The following SDCCAG8 variants were observed in gnomAD, a reference collection of about 807,000 sequenced individuals.
SDCCAG8 encodes SHH signaling and ciliogenesis regulator SDCCAG8, also known as serologically defined colon cancer antigen 8.
Under a neutral mutation model 101.8 loss-of-function variants are expected in SDCCAG8, and 74 were observed. The observed-to-expected ratio is 0.73, with a 90% CI of 0.60 to 0.88. The LOEUF (loss-of-function observed/expected upper bound fraction) is 0.88, where lower values mean the gene tolerates loss of function less well. Ranked by LOEUF, SDCCAG8 falls within the 40% of genes least tolerant of loss-of-function variation. SDCCAG8 has a pLI of 0.00. For synonymous variants in SDCCAG8, 281 were observed against 292.9 expected, an observed-to-expected ratio of 0.96 and a Z score of 0.41; for missense variants, 787 against 822.6, an observed-to-expected ratio of 0.96 and a Z score of 0.53.
intron 12 of SDCCAG8, among the ~76,000 whole-genome samples, chr1:243,344,893 A>G (rs1388260024): frequency 6.6e-6 from 1 of 152,216 alleles, no homozygotes; most frequent in East Asian, 1.9e-4. Flanking sequence ...TTTATGTTAT[A>G]TCTTTATTGA....
intron 4 of SDCCAG8, 86 bp downstream of exon 4, chr1:243,274,742 T>A (rs1474670584): frequency 1.3e-6 from 1 of 792,438 alleles, no homozygotes; most frequent in African/African-American, 1.7e-5. Context: ...GCTATAAATC[T>A]TCATGTTTGT....
At chr1:243,400,397 C>G (rs1002907451) in intron 13 of SDCCAG8, among the ~76,000 whole-genome samples, 4 of 152,306 alleles carry the variant, frequency 2.6e-5, no homozygotes, top group Admixed American at 2.6e-4. Context: ...GTTATTGTAT[C>G]TCATCAGTGC....
chr1:243,275,337 G>A (rs2068451688), intron 4 of SDCCAG8, among the ~76,000 whole-genome samples: 1 of 149,330 alleles, frequency 6.7e-6, no homozygotes, highest in African/African-American at 2.5e-5. Flanking sequence ...CAGTGTATTC[G>A]ATTGTATGAT....
intron 13 of SDCCAG8, among the ~76,000 whole-genome samples, chr1:243,395,759 A>G (rs1009289117): frequency 4.6e-5 from 7 of 152,152 alleles, no homozygotes; most frequent in Non-Finnish European, 4.4e-5. Flanking sequence ...TTCATAAATT[A>G]TAACTGTTTA....
chr1:243,406,803 A>G (rs2079817930), intron 13 of SDCCAG8, among the ~76,000 whole-genome samples: 5 of 152,298 alleles, frequency 3.3e-5, no homozygotes, highest in Admixed American at 3.3e-4. Context: ...CAGTGTTCTC[A>G]GGGCACCTGG....
intron 12 of SDCCAG8, among the ~76,000 whole-genome samples, chr1:243,360,622 G>C (rs1490696573): frequency 6.6e-6 from 1 of 152,010 alleles, no homozygotes; most frequent in Non-Finnish European, 1.5e-5. Context: ...AGGAGTTCAA[G>C]ACCAGCCTGG....
At chr1:243,485,646 C>T (rs182534485) in intron 16 of SDCCAG8, among the ~76,000 whole-genome samples, 1 of 152,218 alleles carries the variant, frequency 6.6e-6, no homozygotes, top group Non-Finnish European at 1.5e-5. Context: ...TGGCTCATGC[C>T]TGTAATCCCA....
chr1:243,405,930 A>G (rs1341106859), intron 13 of SDCCAG8, among the ~76,000 whole-genome samples: 1 of 148,560 alleles, frequency 6.7e-6, no homozygotes, highest in Admixed American at 6.6e-5. Flanking sequence ...TTTTAATAAT[A>G]GAATAATAGA....
intron 12 of SDCCAG8, among the ~76,000 whole-genome samples, chr1:243,360,770 C>T (rs1305327017): frequency 6.6e-6 from 1 of 151,936 alleles, no homozygotes; most frequent in Non-Finnish European, 1.5e-5. Context: ...TGCGGTGAGC[C>T]GGGATTGCGC....
chr1:243,354,403 G>A (rs1422897041), intron 12 of SDCCAG8, among the ~76,000 whole-genome samples: 1 of 152,064 alleles, frequency 6.6e-6, no homozygotes, highest in Admixed American at 6.5e-5. Context: ...AGACATTTTC[G>A]TTATGATTGG....
At chr1:243,289,006 C>CAA (rs1169573983) in intron 5 of SDCCAG8, among the ~76,000 whole-genome samples, 2 of 83,712 alleles carry the variant, frequency 2.4e-5, no homozygotes, top group Admixed American at 1.3e-4. Context: ...GACTCCATCT[C>CAA]AAAAAAAAAA....
At chr1:243,441,520 C>T (rs564305016) in intron 16 of SDCCAG8, among the ~76,000 whole-genome samples, 2 of 152,230 alleles carry the variant, frequency 1.3e-5, no homozygotes, top group African/African-American at 4.8e-5. Flanking sequence ...TTATGCTCTT[C>T]TACAGTAAAA....
At chr1:243,270,334 A>G (rs1032694018) in intron 2 of SDCCAG8, 77 bp downstream of exon 2, 7 of 1,237,826 alleles carry the variant, frequency 5.7e-6, no homozygotes, top group Admixed American at 5.6e-5. Context: ...AACTCCATTC[A>G]TTCTTCATTC....
At chr1:243,296,388 A>C (rs1369951829) in intron 6 of SDCCAG8, among the ~76,000 whole-genome samples, 1 of 152,034 alleles carries the variant, frequency 6.6e-6, no homozygotes, top group Non-Finnish European at 1.5e-5. Flanking sequence ...TTCACTTCCA[A>C]CTATCACCCT....
intron 16 of SDCCAG8, among the ~76,000 whole-genome samples, chr1:243,448,160 T>G (rs913481879): frequency 3.3e-5 from 5 of 152,188 alleles, no homozygotes; most frequent in Non-Finnish European, 7.3e-5. Context: ...CAGGTGAAGC[T>G]TGAGGTGTGG....
intron 5 of SDCCAG8, among the ~76,000 whole-genome samples, chr1:243,292,152 C>T (rs2070332249): frequency 6.6e-6 from 1 of 152,152 alleles, no homozygotes; most frequent in Non-Finnish European, 1.5e-5. Flanking sequence ...ATTCTCTGAA[C>T]TTCATCATAT....
chr1:243,496,100 G>A (rs1188679057), intron 17 of SDCCAG8, among the ~76,000 whole-genome samples: 1 of 152,252 alleles, frequency 6.6e-6, no homozygotes, highest in African/African-American at 2.4e-5. Context: ...TTAGTGCTGA[G>A]ATCATTGTGG....
At chr1:243,356,325 A>T (rs1012290775) in intron 12 of SDCCAG8, among the ~76,000 whole-genome samples, 11 of 151,668 alleles carry the variant, frequency 7.3e-5, no homozygotes, top group Admixed American at 5.9e-4. Flanking sequence ...GCTGAATTTG[A>T]CATACCATAG....
At chr1:243,418,722 T>A (rs2080778673) in intron 15 of SDCCAG8, among the ~76,000 whole-genome samples, 1 of 152,196 alleles carries the variant, frequency 6.6e-6, no homozygotes, top group Admixed American at 6.5e-5. Flanking sequence ...CGACTCCCCA[T>A]CTCAGCTCCG....
Sources: gnomAD v4.1 joint callset for allele counts (sites outside exome capture counted in the v4.1 genomes callset) on GRCh38, gnomAD v4.1.1 for gene constraint, MANE v1.5 for transcripts, NCBI Gene and HGNC (gene_info 2026-07-23, HGNC 2026-07-21) for gene names.